The following UMODL1 variants were observed in gnomAD, a reference collection of about 807,000 sequenced individuals.
UMODL1 encodes the protein uromodulin-like 1.
In UMODL1, 128 loss-of-function variants were observed where a neutral mutation model predicts 136.3. The ratio of observed to expected loss-of-function variants is 0.94; its 90% CI spans 0.81 to 1.09. The LOEUF is 1.09. Among genes scored for constraint, UMODL1 ranks in the 50% least tolerant of loss-of-function variants. The pLI, the probability that UMODL1 is intolerant of heterozygous loss-of-function variation, is 0.00. For synonymous variants in UMODL1, 721 were observed against 720.0 expected (o/e 1.00, Z -0.02); for missense variants, 1,766 against 1,725.6 (o/e 1.02, Z -0.41).
intron 14 of UMODL1, among the ~76,000 whole-genome samples, chr21:42,118,721 C>T (rs1271179137): frequency 6.6e-6 from 1 of 152,148 alleles, no homozygotes; most frequent in Non-Finnish European, 1.5e-5. Flanking sequence ...CACGACCCTG[C>T]ACTCAGCCCC....
Position 42,123,004 on chromosome 21 carries a change from G to A in UMODL1, c.3001G>A (p.Ala1001Thr), listed in dbSNP as rs779751895. 28 of 1,613,892 alleles carry A rather than the reference G, an allele frequency of 1.7e-5. No homozygotes were observed. The East Asian group carries it at 2.5e-4, about 14-fold the overall frequency. The change falls in exon 17 of 23, where the codon GCC becomes ACC. Residue 1001 changes from alanine (A) to threonine (T), a missense_variant. By Grantham distance (58) the Ala-to-Thr change is moderately conservative. Transcript: ENST00000408910. This position sits in a 1 kb window ranked among gnomAD's most constrained non-coding sequence, Gnocchi z 4.4. ...CTGTGAGATCGAGAAGGTGGTTGTCGCCATCCAGAAGCGCTTCCTGCAGCA... is the reference window on the plus strand; with the variant it reads ...CTGTGAGATCGAGAAGGTGGTTGTCACCATCCAGAAGCGCTTCCTGCAGCA... Reference protein sequence around the residue: ...VLCEIEKVVVAIQKRFLQQES... With the variant: ...VLCEIEKVVVTIQKRFLQQES...
chr21:42,082,813 GC>G (rs1477619671), intron 2 of UMODL1, among the ~76,000 whole-genome samples: 1 of 152,196 alleles, frequency 6.6e-6, no homozygotes, highest in East Asian at 1.9e-4. Flanking sequence ...TCTTCTCCTT[GC>G]CCTCCTCTTG....
Position 42,092,325 on chromosome 21 carries a change from C to T in UMODL1, c.931+1887C>T, listed in dbSNP as rs371899449. On this transcript the variant is annotated intron_variant, in intron 6 of 22. Transcript: ENST00000408910. ...CTCAAAAGACAGGCGAAGCTGATCC[C>T]GGCTCTTTCTATTCCCTGTTCCTTT... 4.6e-5 allele frequency among the ~76,000 whole-genome samples: 7 copies of T among 152,028 alleles called. No individual in the cohort carries two copies. The South Asian group carries it at 6.2e-4, about 14-fold the overall frequency.
chr21:42,116,030 G>T (rs759571706), intron 14 of UMODL1, 45 bp downstream of exon 14: 1 of 1,520,048 alleles, frequency 6.6e-7, no homozygotes, highest in East Asian at 2.3e-5. Flanking sequence ...GGAGGGAAAG[G>T]GTGGAAGGCT....
intron 15 of UMODL1, chr21:42,120,805 C>T (rs746430307): frequency 4.4e-5 from 13 of 293,170 alleles, no homozygotes; most frequent in Non-Finnish European, 6.9e-5. Context: ...CTCCTGGTTA[C>T]TCCCGGGAAC....
intron 12 of UMODL1, among the ~76,000 whole-genome samples, chr21:42,112,183 C>T (rs913610935): frequency 9.9e-5 from 15 of 152,060 alleles, no homozygotes; most frequent in African/African-American, 3.6e-4. Context: ...GTTCCGTCAC[C>T]CTGCCAAGCA....
intron 6 of UMODL1, among the ~76,000 whole-genome samples, chr21:42,092,573 G>A (rs982446528): frequency 1.3e-5 from 2 of 152,138 alleles, no homozygotes; most frequent in African/African-American, 2.4e-5. Flanking sequence ...TTCCCCTCAC[G>A]GGAGCACTTC....
chr21:42,063,838 G>C (rs529221235), intron 1 of UMODL1, among the ~76,000 whole-genome samples: 5 of 152,276 alleles, frequency 3.3e-5, no homozygotes, highest in South Asian at 4.1e-4. Context: ...GGAAGCAGCC[G>C]TGTGCACCAG....
rs2066802471 is a variant in UMODL1 at position 42,110,319 on chromosome 21, C to T, written c.1658-561C>T. ...CGGACACAGGCGTGGCAGAGGCGCC[C>T]AGCCACTGGCTTGCCAGCCCCTGCT... On this transcript the variant is annotated intron_variant, in intron 10 of 22. Coordinates refer to ENST00000408910, the MANE Select transcript of UMODL1 (RefSeq NM_001004416.3). 3.3e-5 allele frequency among the ~76,000 whole-genome samples: 5 copies of T among 152,220 alleles called. No homozygotes were observed. In the South Asian group the frequency reaches 8.3e-4, roughly 25 times the overall value.
chr21:42,110,372 C>T (rs532554821), intron 10 of UMODL1, among the ~76,000 whole-genome samples: 22 of 152,330 alleles, frequency 1.4e-4, no homozygotes, highest in African/African-American at 4.8e-4. Context: ...AAGGAGCAGC[C>T]GAGACCAGTT....
intron 11 of UMODL1, 140 bp from the exon 12 acceptor site, chr21:42,111,365 CA>C (rs1442432675): frequency 6.2e-7 from 1 of 1,611,344 alleles, no homozygotes; most frequent in Non-Finnish European, 8.5e-7. Flanking sequence ...GAGCCCCAGC[CA>C]GGGGAGCACC....
intron 1 of UMODL1, among the ~76,000 whole-genome samples, chr21:42,075,051 G>A (rs924090148): frequency 2.6e-5 from 4 of 151,700 alleles, no homozygotes; most frequent in East Asian, 1.9e-4. Flanking sequence ...GGCGCCCACC[G>A]CCACTCCCGG....
At position 42,105,447 on chromosome 21, in the gene UMODL1, C is replaced by T. The variant is rs114443922; in HGVS notation, c.1519+1360C>T. 3.9e-3 allele frequency among the ~76,000 whole-genome samples: 590 copies of T among 152,268 alleles called. 6 individuals carry two copies. The highest frequency in any genetic ancestry group is 0.013 in the African/African-American group (544 of 41,546). On this transcript the variant is annotated intron_variant, in intron 9 of 22. Transcript: ENST00000408910. ...ATGAGAACCTCGGCAGCAGGGATGT[C>T]GTGGGTAGAATGGTGGCCCCCTCCA...
intron 17 of UMODL1, 76 bp from the exon 18 acceptor site, chr21:42,126,269 T>C: frequency 6.3e-7 from 1 of 1,595,554 alleles, no homozygotes; most frequent in South Asian, 1.1e-5. Context: ...CCCCAGCACC[T>C]AGAGCCGTGG....
chr21:42,073,717 C>A (rs1693281569), intron 1 of UMODL1, among the ~76,000 whole-genome samples: 1 of 152,144 alleles, frequency 6.6e-6, no homozygotes. Flanking sequence ...GCTGCGAGGT[C>A]CAAGGAGGGA....
intron 21 of UMODL1, among the ~76,000 whole-genome samples, chr21:42,130,243 T>TGC (rs1005574526): frequency 1.4e-5 from 2 of 147,886 alleles, no homozygotes; most frequent in African/African-American, 2.7e-5. Context: ...TGTGTGTGTG[T>TGC]GTGCGTGCAC....
At chr21:42,077,504 A>G (rs1363798008) in intron 2 of UMODL1, among the ~76,000 whole-genome samples, 5 of 145,672 alleles carry the variant, frequency 3.4e-5, no homozygotes, top group South Asian at 2.2e-4. Flanking sequence ...AGTTAAAAAG[A>G]TAAATGGTTA....
At chr21:42,110,727 A>G (rs979825220) in intron 10 of UMODL1, among the ~76,000 whole-genome samples, 153 bp from the exon 11 acceptor site, 57 of 152,086 alleles carry the variant, frequency 3.7e-4, no homozygotes, top group African/African-American at 1.3e-3. Flanking sequence ...GGGCCCAGGA[A>G]ACACTCCTGA....
chr21:42,138,792 C>T (rs1228109034), intron 22 of UMODL1, among the ~76,000 whole-genome samples: 1 of 152,162 alleles, frequency 6.6e-6, no homozygotes, highest in Non-Finnish European at 1.5e-5. Context: ...TCAGGCTGGT[C>T]TCCAACTCCT....
Sources: allele counts gnomAD v4.1 joint callset (sites outside exome capture counted in the v4.1 genomes callset), GRCh38; gene constraint gnomAD v4.1.1; non-coding constraint Gnocchi (gnomAD v3.1); transcripts MANE v1.5; gene names NCBI Gene and HGNC (gene_info 2026-07-23, HGNC 2026-07-21).